SIPA1L1: variants seen among roughly 807,000 people sequenced by gnomAD.
The protein encoded by SIPA1L1 is signal-induced proliferation-associated 1-like protein 1.
A neutral mutation model predicts 162.7 loss-of-function variants in SIPA1L1; 26 were observed. The ratio of observed to expected loss-of-function variants is 0.16; its 90% CI spans 0.12 to 0.22. SIPA1L1 has a LOEUF of 0.22. Ranked by LOEUF, SIPA1L1 falls within the 10% of genes least tolerant of loss-of-function variation. The pLI, the probability that SIPA1L1 is intolerant of heterozygous loss-of-function variation, is 1.00. For missense variants in SIPA1L1, 1,874 were observed against 2,241.0 expected, an observed-to-expected ratio of 0.84 and a Z score of 3.31; for synonymous variants, 829 against 837.4, an observed-to-expected ratio of 0.99 and a Z score of 0.17.
chr14:71,700,520 GTGTAA>G (rs2082003077), intron 14 of SIPA1L1, among the ~76,000 whole-genome samples: 1 of 152,196 alleles, frequency 6.6e-6, no homozygotes, highest in African/African-American at 2.4e-5. Context: ...ATGGCAAAAA[GTGTAA>G]TTGTGAGTCC....
At chr14:71,617,027 C>G (rs573952764) in intron 5 of SIPA1L1, among the ~76,000 whole-genome samples, 7 of 152,168 alleles carry the variant, frequency 4.6e-5, no homozygotes, top group Non-Finnish European at 1.0e-4. Context: ...CACTCTGATG[C>G]ATCTACTGTT....
At chr14:71,622,982 C>G (rs1244597054) in intron 6 of SIPA1L1, among the ~76,000 whole-genome samples, 2 of 152,218 alleles carry the variant, frequency 1.3e-5, no homozygotes, top group Non-Finnish European at 2.9e-5. Context: ...CATACCTTTG[C>G]TCATGTTGTC....
chr14:71,450,332 A>G (rs2045720914), intron 2 of SIPA1L1, among the ~76,000 whole-genome samples: 1 of 152,192 alleles, frequency 6.6e-6, no homozygotes, highest in Admixed American at 6.6e-5. Flanking sequence ...TTATAGCTCG[A>G]TAGTGTGTTC....
intron 2 of SIPA1L1, among the ~76,000 whole-genome samples, chr14:71,352,344 G>T (rs1230638595): frequency 6.6e-6 from 1 of 152,078 alleles, no homozygotes; most frequent in East Asian, 1.9e-4. Flanking sequence ...GAATACACTT[G>T]TGTAATCAGC....
chr14:71,672,221 C>T, intron 11 of SIPA1L1, 127 bp from the exon 12 acceptor site: 2 of 873,786 alleles, frequency 2.3e-6, no homozygotes, highest in Non-Finnish European at 3.5e-6. Context: ...AGGAAATAAC[C>T]AGACTGCTCT....
At chr14:71,413,872 T>TA (rs2042579655) in intron 2 of SIPA1L1, 1 of 152,250 alleles carries the variant, frequency 6.6e-6, no homozygotes, top group African/African-American at 2.4e-5. Context: ...CCCTTTTACT[T>TA]ACTATGAGTT....
intron 4 of SIPA1L1, among the ~76,000 whole-genome samples, chr14:71,553,124 C>G (rs1366645658): frequency 3.3e-5 from 5 of 152,100 alleles, no homozygotes; most frequent in African/African-American, 1.2e-4. Flanking sequence ...TCTTCTATTT[C>G]CTTTATACTG....
chr14:71,516,164 G>C (rs992692224), intron 3 of SIPA1L1, among the ~76,000 whole-genome samples: 5 of 152,206 alleles, frequency 3.3e-5, no homozygotes, highest in African/African-American at 9.6e-5. Context: ...GAAATCAGAC[G>C]CATCATGGAT....
At chr14:71,610,168 A>G (rs771291210) in intron 5 of SIPA1L1, among the ~76,000 whole-genome samples, 9 of 152,184 alleles carry the variant, frequency 5.9e-5, no homozygotes, top group Non-Finnish European at 1.2e-4. Context: ...TACAACTAAT[A>G]TTGTTTGTTG....
At chr14:71,734,439 AGACT>A (rs1223926555) in intron 21 of SIPA1L1, among the ~76,000 whole-genome samples, 1 of 152,226 alleles carries the variant, frequency 6.6e-6, no homozygotes, top group Non-Finnish European at 1.5e-5. Context: ...TTTTGAATGA[AGACT>A]GACTTTTTTC....
chr14:71,408,990 G>A (rs2042220007), intron 2 of SIPA1L1, among the ~76,000 whole-genome samples: 1 of 152,112 alleles, frequency 6.6e-6, no homozygotes, highest in Non-Finnish European at 1.5e-5. Flanking sequence ...GTATGTCGAG[G>A]AACTCGTGCT....
Position 71,624,255 on chromosome 14 carries a change from G to A in SIPA1L1, c.1818+19G>A. The A allele has an allele frequency of 1.3e-6, 2 of 1,592,714 alleles. No homozygotes were observed. The highest frequency in any genetic ancestry group is 1.1e-5 in the South Asian group (1 of 89,004). On this transcript the variant is annotated intron_variant, in intron 7 of 23. Coordinates refer to ENST00000381232, the MANE Select transcript of SIPA1L1 (RefSeq NM_001386936.1). Reference sequence around the variant, plus strand: ...ACAAGGGGTGAGTTTGCCTTTCTGAGGAGAGCATTCTTGCTCAGGTTTATT... The same window carrying A: ...ACAAGGGGTGAGTTTGCCTTTCTGAAGAGAGCATTCTTGCTCAGGTTTATT...
chr14:71,326,044 T>C (rs2033756452), intron 2 of SIPA1L1, among the ~76,000 whole-genome samples: 1 of 152,132 alleles, frequency 6.6e-6, no homozygotes, highest in South Asian at 2.1e-4. Flanking sequence ...ATTGGATTCC[T>C]TTTTTCCTCT....
chr14:71,487,115 GA>G (rs1283711878), intron 2 of SIPA1L1, among the ~76,000 whole-genome samples: 1 of 152,176 alleles, frequency 6.6e-6, no homozygotes, highest in African/African-American at 2.4e-5. Context: ...TTCTCTGCAT[GA>G]AAAGTTCTGC....
chr14:71,320,711 C>T (rs1046844755), intron 1 of SIPA1L1, among the ~76,000 whole-genome samples: 2 of 150,772 alleles, frequency 1.3e-5, no homozygotes, highest in Admixed American at 6.6e-5. Context: ...CATCCCCCCC[C>T]CGGCAACCTC....
chr14:71,451,479 T>G (rs1174135856), intron 2 of SIPA1L1, among the ~76,000 whole-genome samples: 3 of 150,828 alleles, frequency 2.0e-5, no homozygotes, highest in Non-Finnish European at 4.4e-5. Context: ...ACAAAAAAAT[T>G]TTAAAATTAC....
intron 4 of SIPA1L1, among the ~76,000 whole-genome samples, chr14:71,534,938 A>G (rs2145517527): frequency 6.6e-6 from 1 of 152,378 alleles, no homozygotes; most frequent in South Asian, 2.1e-4. Context: ...ATTCGTTCAG[A>G]GCATCAAGGA....
intron 7 of SIPA1L1, among the ~76,000 whole-genome samples, chr14:71,632,757 A>C (rs1167537750): frequency 1.3e-5 from 2 of 152,174 alleles, no homozygotes; most frequent in Non-Finnish European, 2.9e-5. Context: ...GGGAGCTGGA[A>C]TTGTTGCCAC....
chr14:71,467,852 TA>T (rs11394096), intron 2 of SIPA1L1, among the ~76,000 whole-genome samples: 452 of 135,730 alleles, frequency 3.3e-3, no homozygotes, highest in East Asian at 8.9e-3. Flanking sequence ...CCCCATCTCT[TA>T]AAAAAAAAAA....
Sources: gnomAD v4.1 joint callset for allele counts (sites outside exome capture counted in the v4.1 genomes callset) on GRCh38, gnomAD v4.1.1 for gene constraint, MANE v1.5 for transcripts, NCBI Gene and HGNC (gene_info 2026-07-23, HGNC 2026-07-21) for gene names.